Variants in EEA1 observed in about 807,000 individuals in gnomAD.
The protein encoded by EEA1 is early endosome antigen 1, also known as early endosome antigen 1, 162kD.
A neutral mutation model predicts 209.2 loss-of-function variants in EEA1; 111 were observed. The observed-to-expected ratio is 0.53, with a 90% CI of 0.45 to 0.62. The LOEUF is 0.62. EEA1 is among the 20% of genes least tolerant of loss of function. The pLI is 0.00. For synonymous variants in EEA1, 536 were observed against 540.6 expected (o/e 0.99, Z 0.12); for missense variants, 1,343 against 1,530.8 (o/e 0.88, Z 2.05).
At chr12:92,888,271 AATG>A (rs1256238109) in intron 2 of EEA1, among the ~76,000 whole-genome samples, 4 of 152,192 alleles carry the variant, frequency 2.6e-5, no homozygotes, top group African/African-American at 7.2e-5. Context: ...AAAAATCCTA[AATG>A]ATGTTCTATA....
At position 92,777,809 on chromosome 12, in the gene EEA1, A is replaced by C. The variant is rs968189643; in HGVS notation, c.3893+132T>G. 2.4e-6 allele frequency: 3 copies of C among 1,246,358 alleles called. No individual in the cohort carries two copies. The African/African-American group carries it at 4.6e-5, about 19-fold the overall frequency. The allele number at this position is 1,246,358 out of a possible 1,614,324, so 77.2% of individuals were successfully genotyped here. ...TGATTGTTTTACAGGTTAATTTTTA[A>C]ATGGCTACTTAAATACCTATAGAGG... On this transcript the variant is annotated intron_variant, in intron 26 of 28. Coordinates refer to ENST00000322349, the MANE Select transcript of EEA1 (RefSeq NM_003566.4).
chr12:92,853,019 T>G lies in EEA1; in HGVS notation c.413A>C (p.Gln138Pro). 6.3e-7 allele frequency: 1 copy of G among 1,591,982 alleles called. No homozygotes were observed. Among genetic ancestry groups the G allele is most frequent in the Middle Eastern group, 1.7e-4 (1 of 5,818 alleles). Residue 138 changes from glutamine (Q) to proline (P), a missense_variant, in exon 7 of 29, where the codon CAG (glutamine) becomes CCG (proline). Gln to Pro is a moderately conservative substitution (Grantham distance 76). Around this residue, in one of 3 missense-constraint regions of EEA1, gnomAD observed 1,307 missense variants for 1,465.5 expected, o/e 0.89. Transcript: ENST00000322349. Reference protein sequence around the residue: ...GLVTDSSAELQSLEQQLEEAQ... With the variant: ...GLVTDSSAELPSLEQQLEEAQ... ...TTCTTCTAATTGCTGTTCCAAAGAC[T>G]GTAGTTCTACAAAAAAGTGTCGCAG...
intron 1 of EEA1, among the ~76,000 whole-genome samples, chr12:92,919,149 C>A (rs1179966724): frequency 2.6e-5 from 4 of 151,544 alleles, no homozygotes; most frequent in Non-Finnish European, 5.9e-5. Context: ...GGATTCACAG[C>A]CAAATTCTAC....
At chr12:92,817,424 G>A (rs773393743) in intron 14 of EEA1, among the ~76,000 whole-genome samples, 1 of 151,856 alleles carries the variant, frequency 6.6e-6, no homozygotes, top group Non-Finnish European at 1.5e-5. Context: ...CCAGGCTGGA[G>A]TGCAGTAGCA....
At chr12:92,808,684 C>A (rs112919568) in intron 18 of EEA1, among the ~76,000 whole-genome samples, 1 of 151,970 alleles carries the variant, frequency 6.6e-6, no homozygotes, top group East Asian at 1.9e-4. Flanking sequence ...TAAATATCCC[C>A]GAATTTTTTA....
intron 2 of EEA1, among the ~76,000 whole-genome samples, chr12:92,874,921 A>G (rs1878815470): frequency 6.6e-6 from 1 of 152,220 alleles, no homozygotes; most frequent in Non-Finnish European, 1.5e-5. Flanking sequence ...GGATTATTAT[A>G]CAACATACAT....
chr12:92,861,183 C>A (rs1218653208), intron 3 of EEA1, among the ~76,000 whole-genome samples: 2 of 152,162 alleles, frequency 1.3e-5, no homozygotes, highest in Non-Finnish European at 2.9e-5. Flanking sequence ...TGGCCGGGCA[C>A]GGTGGCTCAC....
chr12:92,828,443 T>A (rs893976952), intron 11 of EEA1, among the ~76,000 whole-genome samples: 2 of 152,074 alleles, frequency 1.3e-5, no homozygotes, highest in African/African-American at 4.8e-5. Flanking sequence ...TGTTTAAAGT[T>A]CCACAGTGAT....
intron 1 of EEA1, among the ~76,000 whole-genome samples, chr12:92,927,403 T>G (rs1262875024): frequency 6.6e-6 from 1 of 152,200 alleles, no homozygotes; most frequent in Non-Finnish European, 1.5e-5. Context: ...ACAATCAATT[T>G]CACTTTTGTA....
intron 2 of EEA1, among the ~76,000 whole-genome samples, chr12:92,888,144 C>CA (rs754985386): frequency 6.0e-5 from 9 of 149,402 alleles, no homozygotes; most frequent in South Asian, 2.1e-4. Context: ...AATGTGCTGA[C>CA]AAAAAAAAAG....
At chr12:92,895,222 C>T (rs1879824073) in intron 1 of EEA1, among the ~76,000 whole-genome samples, 1 of 144,904 alleles carries the variant, frequency 6.9e-6, no homozygotes, top group African/African-American at 2.6e-5. Context: ...GTGGCCCGAT[C>T]TCAGCTCACT....
intron 1 of EEA1, among the ~76,000 whole-genome samples, chr12:92,914,987 T>A (rs1880715170): frequency 6.6e-6 from 1 of 152,082 alleles, no homozygotes. Context: ...TTACTTAACT[T>A]CTCTAAGCAT....
Position 92,771,763 on chromosome 12 carries a change from A to G in EEA1, c.*4248T>C, listed in dbSNP as rs973356585. The stretch of plus-strand genomic sequence containing the variant: ...TAACCTCGGAGGTGAGCAGTGGACT[A>G]GGATGAGGTGGCCTCTCAAATTCCT... On this transcript the variant is annotated 3_prime_UTR_variant, in exon 29 of 29. Coordinates refer to ENST00000322349, the MANE Select transcript of EEA1 (RefSeq NM_003566.4). 8 of 152,190 alleles carry G rather than the reference A, an allele frequency of 5.3e-5. No individual in the cohort carries two copies. Among genetic ancestry groups the G allele is most frequent in the Middle Eastern group, 3.4e-3 (1 of 294 alleles). 9.4% of individuals were successfully genotyped at this position (152,190 alleles called of 1,614,324 possible). A position where few individuals can be genotyped will look rare whatever the true frequency, so the allele number is the denominator to read the frequency against.
chr12:92,782,253 C>A (rs1434808620), intron 22 of EEA1, 118 bp from the exon 23 acceptor site: 4 of 660,550 alleles, frequency 6.1e-6, no homozygotes, highest in Non-Finnish European at 9.3e-6. Context: ...GCATATTATA[C>A]CCTTCAGTAA....
chr12:92,831,965 T>C (rs12422732), intron 11 of EEA1, among the ~76,000 whole-genome samples: 6 of 150,984 alleles, frequency 4.0e-5, no homozygotes, highest in Admixed American at 4.0e-4. Flanking sequence ...CGGGCGCCTG[T>C]AGTCCCAGCT....
intron 1 of EEA1, among the ~76,000 whole-genome samples, chr12:92,919,590 C>T (rs1373038855): frequency 3.3e-5 from 5 of 150,632 alleles, no homozygotes; most frequent in Admixed American, 2.0e-4. Context: ...ATTGATGGGA[C>T]GTATTTCAAA....
At chr12:92,869,648 C>T (rs543155296) in intron 2 of EEA1, among the ~76,000 whole-genome samples, 8 of 148,046 alleles carry the variant, frequency 5.4e-5, no homozygotes, top group South Asian at 2.2e-4. Flanking sequence ...CCCAGCTACT[C>T]GGGAGGCTGA....
chr12:92,827,492 A>G (rs1443559650), intron 12 of EEA1, among the ~76,000 whole-genome samples: 1 of 152,276 alleles, frequency 6.6e-6, no homozygotes, highest in African/African-American at 2.4e-5. Context: ...AATGAGGGAC[A>G]GCATTCAAAT....
chr12:92,798,335 CATT>C (rs921938286), intron 21 of EEA1, among the ~76,000 whole-genome samples: 2 of 145,240 alleles, frequency 1.4e-5, no homozygotes, highest in South Asian at 2.1e-4. Flanking sequence ...TTAAGTGTTA[CATT>C]ATTATTATTA....
Sources: gnomAD v4.1 joint callset for allele counts (sites outside exome capture counted in the v4.1 genomes callset) on GRCh38, gnomAD v4.1.1 for gene constraint, gnomAD v4.1.1 regional missense constraint, MANE v1.5 for transcripts, NCBI Gene and HGNC (gene_info 2026-07-23, HGNC 2026-07-21) for gene names.